The following WWOX variants were observed in gnomAD, a reference collection of about 807,000 sequenced individuals.
The protein encoded by WWOX is WW domain containing oxidoreductase.
Under a neutral mutation model 46.2 loss-of-function variants are expected in WWOX, and 69 were observed. That is an observed-to-expected ratio of 1.49 (90% confidence interval 1.23 to 1.82). The LOEUF is 1.82. WWOX is among the 40% of genes most tolerant of loss of function. The probability of loss-of-function intolerance (pLI) is 0.00; values close to 1 mark genes in which losing one functional copy is unlikely to be tolerated. For synonymous variants in WWOX, 359 were observed against 202.6 expected (o/e 1.77, Z -6.56); for missense variants, 919 against 542.6 (o/e 1.69, Z -6.89).
At chr16:78,977,194 T>A (rs2046589539) in intron 8 of WWOX, among the ~76,000 whole-genome samples, 1 of 152,188 alleles carries the variant, frequency 6.6e-6, no homozygotes, top group Admixed American at 6.5e-5. Context: ...TTGAACCACT[T>A]ATTTTGGCAA....
chr16:78,566,967 C>A (rs886875635), intron 8 of WWOX, among the ~76,000 whole-genome samples: 2 of 152,166 alleles, frequency 1.3e-5, no homozygotes, highest in African/African-American at 4.8e-5. Context: ...AAGCAACCAC[C>A]AGTGTAATCA....
chr16:78,645,506 A>G (rs2046818697), intron 8 of WWOX, among the ~76,000 whole-genome samples: 1 of 152,176 alleles, frequency 6.6e-6, no homozygotes, highest in Non-Finnish European at 1.5e-5. Context: ...TCCAAGAAGC[A>G]TGGTGCCAAT....
chr16:78,828,358 A>C (rs895997771), intron 8 of WWOX, among the ~76,000 whole-genome samples: 3 of 152,256 alleles, frequency 2.0e-5, no homozygotes, highest in African/African-American at 7.2e-5. Flanking sequence ...GCTGGAGGTG[A>C]GTGAGAAGAA....
chr16:78,733,438 G>C (rs1597510769), intron 8 of WWOX, among the ~76,000 whole-genome samples: 1 of 152,090 alleles, frequency 6.6e-6, no homozygotes. Context: ...CTAAGCAACA[G>C]AGTGAGACCT....
intron 5 of WWOX, among the ~76,000 whole-genome samples, chr16:78,313,363 GTTTTTCT>G (rs894616789): frequency 6.6e-6 from 1 of 152,092 alleles, no homozygotes; most frequent in Non-Finnish European, 1.5e-5. Flanking sequence ...GTGTTTCGTT[GTTTTTCT>G]TTTTTCTTTT....
At chr16:78,240,759 G>A (rs2037617129) in intron 5 of WWOX, among the ~76,000 whole-genome samples, 1 of 152,158 alleles carries the variant, frequency 6.6e-6, no homozygotes. Flanking sequence ...ACCTGCGAGG[G>A]CCAGGCTGGG....
intron 6 of WWOX, among the ~76,000 whole-genome samples, chr16:78,392,867 A>G (rs1392327340): frequency 6.6e-6 from 1 of 150,508 alleles, no homozygotes; most frequent in Non-Finnish European, 1.5e-5. Context: ...ACTCACTCCC[A>G]TTTTCATTCA....
rs567067107 is a variant in WWOX, at chr16:78,309,274, C to T, written c.517-77586C>T. ...AAATAAGTGTTTGGTAGTTTCTCTG[C>T]GTTCATTCTGCTTCCTGCCGCTTTG... On this transcript the variant is annotated intron_variant, in intron 5 of 8. Transcript: ENST00000566780. Among the ~76,000 whole-genome samples, 26 of 152,300 alleles carry T rather than the reference C, an allele frequency of 1.7e-4. 1 individual carries two copies. Among genetic ancestry groups the T allele is most frequent in the African/African-American group, 3.1e-4 (13 of 41,564 alleles).
intron 8 of WWOX, among the ~76,000 whole-genome samples, chr16:78,945,202 A>G (rs1484695729): frequency 1.3e-5 from 2 of 152,180 alleles, no homozygotes; most frequent in East Asian, 3.9e-4. Flanking sequence ...AGAAAAAGAA[A>G]GAAAAAGCTT....
intron 8 of WWOX, among the ~76,000 whole-genome samples, chr16:78,888,562 G>C (rs1171200825): frequency 6.6e-6 from 1 of 152,280 alleles, no homozygotes; most frequent in Admixed American, 6.5e-5. Flanking sequence ...GACGGCTTTT[G>C]TTTGTTAGTT....
intron 8 of WWOX, among the ~76,000 whole-genome samples, chr16:78,683,731 G>C (rs2047786682): frequency 6.6e-6 from 1 of 151,984 alleles, no homozygotes. Context: ...GATAAGTTGT[G>C]GTCTTCAGGG....
intron 8 of WWOX, among the ~76,000 whole-genome samples, chr16:78,692,875 A>G (rs755092802): frequency 6.6e-6 from 1 of 152,220 alleles, no homozygotes; most frequent in African/African-American, 2.4e-5. Flanking sequence ...TGTTGTTTAT[A>G]GTAAAAACAA....
At chr16:79,055,102 A>G (rs1173467800) in intron 8 of WWOX, among the ~76,000 whole-genome samples, 2 of 152,196 alleles carry the variant, frequency 1.3e-5, no homozygotes, top group African/African-American at 2.4e-5. Context: ...ATATAAAACT[A>G]AATAATCCAT....
At chr16:78,284,460 A>G (rs1305467076) in intron 5 of WWOX, among the ~76,000 whole-genome samples, 2 of 152,232 alleles carry the variant, frequency 1.3e-5, no homozygotes, top group African/African-American at 2.4e-5. Context: ...CTAAACTTAC[A>G]TGTTAACATA....
intron 5 of WWOX, among the ~76,000 whole-genome samples, chr16:78,179,435 A>G (rs1004982431): frequency 6.6e-6 from 1 of 152,224 alleles, no homozygotes; most frequent in African/African-American, 2.4e-5. Flanking sequence ...CAGACAAGAA[A>G]ACTGAGGCCC....
rs141717651 is a variant in WWOX at position 78,449,352 on chromosome 16, A to G, written c.1056+16600A>G. Reference sequence around the variant, plus strand: ...ATATTCTTTTTGTTAGAAGGAAATCACTGAGTCTGATCGTTGTTAAAGGGG... The same window carrying G: ...ATATTCTTTTTGTTAGAAGGAAATCGCTGAGTCTGATCGTTGTTAAAGGGG... On this transcript the variant is annotated intron_variant, in intron 8 of 8. Coordinates refer to ENST00000566780, the MANE Select transcript of WWOX (RefSeq NM_016373.4). Among the ~76,000 whole-genome samples the G allele has an allele frequency of 4.6e-5, 7 of 152,316 alleles. No individual in the cohort carries two copies. The East Asian group carries it at 1.4e-3, about 29-fold the overall frequency.
In WWOX at chr16:78,387,467, A is replaced by G. The variant is rs1597145334; in HGVS notation, c.605+519A>G. 3.3e-5 allele frequency among the ~76,000 whole-genome samples: 5 copies of G among 152,184 alleles called. No individual in the cohort carries two copies. The South Asian group carries it at 8.3e-4, about 25-fold the overall frequency. Reference sequence around the variant, plus strand: ...TTATTTATTTTTTTTCATCCTTTTCAGTCTTTCAAAATTCCAGTTGGAGAA... The same window carrying G: ...TTATTTATTTTTTTTCATCCTTTTCGGTCTTTCAAAATTCCAGTTGGAGAA... On this transcript the variant is annotated intron_variant, in intron 6 of 8. Transcript: ENST00000566780.
intron 8 of WWOX, among the ~76,000 whole-genome samples, chr16:78,528,267 G>A (rs969637903): frequency 3.4e-5 from 5 of 146,604 alleles, no homozygotes; most frequent in Non-Finnish European, 5.9e-5. Context: ...GCCCACCTCG[G>A]CCTCACAAAG....
At chr16:78,162,076 C>T (rs543457606) in intron 4 of WWOX, among the ~76,000 whole-genome samples, 13 of 152,264 alleles carry the variant, frequency 8.5e-5, no homozygotes, top group African/African-American at 3.1e-4. Flanking sequence ...CATTTTCCTC[C>T]TGCCTGAAGA....
Sources: gnomAD v4.1 joint callset for allele counts (sites outside exome capture counted in the v4.1 genomes callset) on GRCh38, gnomAD v4.1.1 for gene constraint, MANE v1.5 for transcripts, NCBI Gene and HGNC (gene_info 2026-07-23, HGNC 2026-07-21) for gene names.